The following CCDC27 variants were observed in gnomAD, a reference collection of about 807,000 sequenced individuals.
CCDC27 encodes coiled-coil domain-containing protein 27.
Under a neutral mutation model 80.3 loss-of-function variants are expected in CCDC27, and 80 were observed. The ratio of observed to expected loss-of-function variants is 1.00; its 90% CI spans 0.83 to 1.20. CCDC27 has a LOEUF of 1.20. Among genes scored for constraint, CCDC27 ranks in the 50% most tolerant of loss-of-function variants. The pLI is 0.00. For synonymous variants in CCDC27, 342 were observed against 334.3 expected (o/e 1.02, Z -0.25); for missense variants, 815 against 809.4 (o/e 1.01, Z -0.08).
rs948731512 is a variant in CCDC27, at chr1:3,768,721, A to G, written c.1744-1062A>G. 6.6e-6 allele frequency among the ~76,000 whole-genome samples: 1 copy of G among 152,160 alleles called. No homozygotes were observed. Among genetic ancestry groups the G allele is most frequent in the African/African-American group, 2.4e-5 (1 of 41,440 alleles). ...ATTGTGAAGCTAAGTCCGGGTGAGCAGGAACTAGCGCCAAGCCTGATGGTG... is the reference window on the plus strand; with the variant it reads ...ATTGTGAAGCTAAGTCCGGGTGAGCGGGAACTAGCGCCAAGCCTGATGGTG... On this transcript the variant is annotated intron_variant, in intron 10 of 11. Transcript: ENST00000294600. The surrounding 1 kb of genome is among the most constrained non-coding windows in gnomAD (Gnocchi z 5.6).
Position 3,766,431 on chromosome 1 carries a change from ATTAT to A in CCDC27, c.1453-101_1453-98del. 1.4e-6 allele frequency: 1 copy of A among 693,732 alleles called. No individual in the cohort carries two copies. Among genetic ancestry groups the A allele is most frequent in the Non-Finnish European group, 2.5e-6 (1 of 402,258 alleles). 43.0% of individuals were successfully genotyped at this position (693,732 alleles called of 1,614,324 possible). A position where few individuals can be genotyped will look rare whatever the true frequency, so the allele number is the denominator to read the frequency against. On this transcript the variant is annotated intron_variant, in intron 8 of 11. Coordinates refer to ENST00000294600, the MANE Select transcript of CCDC27 (RefSeq NM_152492.3). The surrounding 1 kb of genome is among the most constrained non-coding windows in gnomAD (Gnocchi z 6.1). ...TGCCTTCAATAGAAATCCCGCTGCT[ATTAT>A]TTTAGGGAGCTTTGGGGAAGGAAAA...
In CCDC27 at chr1:3,761,233, G is replaced by T. The variant is rs763109359; in HGVS notation, c.712-48G>T. ...GGGCTGGAGGCAGGTCAGGGGAAGA[G>T]TGTGTGGCTGCATGGCCCACGGGGG... On this transcript the variant is annotated intron_variant, in intron 4 of 11. Coordinates refer to ENST00000294600, the MANE Select transcript of CCDC27 (RefSeq NM_152492.3). This position sits in a 1 kb window ranked among gnomAD's most constrained non-coding sequence, Gnocchi z 5.0. 8 of 1,599,334 alleles carry T rather than the reference G, an allele frequency of 5.0e-6. No individual in the cohort carries two copies. In the Admixed American group the frequency reaches 5.1e-5, roughly 10 times the overall value.
Position 3,752,693 on chromosome 1 carries a change from A to G in CCDC27, c.212A>G (p.Gln71Arg). The G allele has an allele frequency of 6.2e-7, 1 of 1,614,032 alleles. No homozygotes were observed. The highest frequency in any genetic ancestry group is 8.5e-7 in the Non-Finnish European group (1 of 1,180,040). Residue 71 changes from glutamine (Q) to arginine (R), a missense_variant, in exon 1 of 12, where the codon CAG becomes CGG. Coordinates refer to ENST00000294600, the MANE Select transcript of CCDC27 (RefSeq NM_152492.3). ...SSMARALVLL[Q>R]SMASRDARCP... ...ATGGCCAGGGCCCTGGTGCTCCTCC[A>G]GAGCATGGCCAGCCGGGACGCCCGG...
At position 3,763,130 on chromosome 1, in the gene CCDC27, C is replaced by T. The variant is rs201089213; in HGVS notation, c.977C>T (p.Pro326Leu). 7.3e-5 allele frequency: 108 copies of T among 1,479,942 alleles called. No individual in the cohort carries two copies. Among genetic ancestry groups the T allele is most frequent in the East Asian group, 2.9e-4 (12 of 41,698 alleles). The allele number at this position is 1,479,942 out of a possible 1,614,324, so 91.7% of individuals were successfully genotyped here. The change falls in exon 7 of 12, where the codon CCG (proline) becomes CTG (leucine). Residue 326 changes from proline to leucine, a missense_variant. Transcript: ENST00000294600. The surrounding 1 kb of genome is among the most constrained non-coding windows in gnomAD (Gnocchi z 7.5). ...WWQMQEESAA[P>L]ERGKEPDLGG... ...CAGATGCAGGAGGAGTCTGCGGCAC[C>T]GGAGAGGGGCAAGGAGCCCGACCTG...
At chr1:3,755,766 C>T (rs1209648386) in intron 3 of CCDC27, 199 bp downstream of exon 3, 8 of 580,812 alleles carry the variant, frequency 1.4e-5, no homozygotes, top group Non-Finnish European at 2.5e-5. Flanking sequence ...GCTGCAGTCC[C>T]CCCAGGACCG....
intron 2 of CCDC27, 133 bp from the exon 3 acceptor site, chr1:3,755,324 A>C (rs1419449741): frequency 5.5e-6 from 4 of 733,200 alleles, no homozygotes; most frequent in East Asian, 5.0e-5. Flanking sequence ...GCCCTTGCTC[A>C]GTCCCATGCA....
At position 3,763,005 on chromosome 1, in the gene CCDC27, G is replaced by A; in HGVS notation, c.955-103G>A. ...CACTCCCTGGACCCTGCAGCAGCCT[G>A]GAAGGAGGCGCCCTCCCCGGTGCCC... On this transcript the variant is annotated intron_variant, in intron 6 of 11. Coordinates refer to ENST00000294600, the MANE Select transcript of CCDC27 (RefSeq NM_152492.3). This position sits in a 1 kb window ranked among gnomAD's most constrained non-coding sequence, Gnocchi z 7.5. 1 of 1,363,564 alleles carries A rather than the reference G, an allele frequency of 7.3e-7. No individual in the cohort carries two copies. The highest frequency in any genetic ancestry group is 9.7e-7 in the Non-Finnish European group (1 of 1,035,754). The allele number at this position is 1,363,564 out of a possible 1,614,324, so 84.5% of individuals were successfully genotyped here.
Position 3,766,712 on chromosome 1 carries a change from C to A in CCDC27, c.1530+100C>A. ...AGACGGGGCTGGAGCGTCTTCACAGCTGAGCCAGGACCCCTTCGGTAGCAT... is the reference window on the plus strand; with the variant it reads ...AGACGGGGCTGGAGCGTCTTCACAGATGAGCCAGGACCCCTTCGGTAGCAT... On this transcript the variant is annotated intron_variant, in intron 9 of 11. Transcript: ENST00000294600. This position sits in a 1 kb window ranked among gnomAD's most constrained non-coding sequence, Gnocchi z 6.1. 2.2e-6 allele frequency: 2 copies of A among 926,488 alleles called. No individual in the cohort carries two copies. Among genetic ancestry groups the A allele is most frequent in the South Asian group, 1.5e-5 (1 of 68,880 alleles). 57.4% of individuals were successfully genotyped at this position (926,488 alleles called of 1,614,324 possible).
intron 5 of CCDC27, 97 bp from the exon 6 acceptor site, chr1:3,762,523 A>G (rs979761227): frequency 7.4e-6 from 7 of 945,126 alleles, no homozygotes; most frequent in Non-Finnish European, 1.1e-5. Context: ...CTCCCCAGAC[A>G]TGAGAGGCCG....
intron 8 of CCDC27, among the ~76,000 whole-genome samples, chr1:3,765,421 T>A (rs76729062): frequency 0.012 from 1,876 of 152,330 alleles, 16 homozygotes; most frequent in Middle Eastern, 0.041. Flanking sequence ...ATTGTTTTTT[T>A]ATGGCCTTCT....
At chr1:3,765,599 T>C (rs1236066023) in intron 8 of CCDC27, among the ~76,000 whole-genome samples, 1 of 152,256 alleles carries the variant, frequency 6.6e-6, no homozygotes, top group Non-Finnish European at 1.5e-5. Flanking sequence ...GTTCCATTTT[T>C]CTTTTTTTGA....
rs368769485 is a variant in CCDC27, at chr1:3,769,738, C to T, written c.1744-45C>T. On this transcript the variant is annotated intron_variant, in intron 10 of 11. Transcript: ENST00000294600. This position sits in a 1 kb window ranked among gnomAD's most constrained non-coding sequence, Gnocchi z 4.6. ...GGGGTGCAGCCCACTGGCCAGGTGC[C>T]TTCTTGGGTAAAGGCGAATGATAGT... 719 of 1,449,970 alleles carry T rather than the reference C, an allele frequency of 5.0e-4. 11 individuals are homozygous for T. The South Asian group carries it at 7.3e-3, about 15-fold the overall frequency. The allele number at this position is 1,449,970 out of a possible 1,614,324, so 89.8% of individuals were successfully genotyped here. A position where few individuals can be genotyped will look rare whatever the true frequency, so the allele number is the denominator to read the frequency against.
chr1:3,756,416 G>A, intron 3 of CCDC27: 1 of 238,928 alleles, frequency 4.2e-6, no homozygotes, highest in Non-Finnish European at 8.3e-6. Flanking sequence ...TGCAGAGACA[G>A]CATCAGGATG....
At position 3,763,082 on chromosome 1, in the gene CCDC27, C is replaced by A; in HGVS notation, c.955-26C>A. ...CCTGGGGGTGCCCCGCAGCCCTGCC[C>A]AGCCCCTGCCCTACCCATCTTACAG... is the stretch of plus-strand genomic sequence containing the variant. On this transcript the variant is annotated intron_variant, in intron 6 of 11. Coordinates refer to ENST00000294600, the MANE Select transcript of CCDC27 (RefSeq NM_152492.3). The surrounding 1 kb of genome is among the most constrained non-coding windows in gnomAD (Gnocchi z 7.5). The A allele has an allele frequency of 1.4e-6, 2 of 1,460,252 alleles. No individual in the cohort carries two copies. Among genetic ancestry groups the A allele is most frequent in the Admixed American group, 2.8e-5 (1 of 36,108 alleles). The allele number at this position is 1,460,252 out of a possible 1,614,324, so 90.5% of individuals were successfully genotyped here.
At chr1:3,759,668 T>C (rs925322298) in intron 4 of CCDC27, among the ~76,000 whole-genome samples, 1 of 152,198 alleles carries the variant, frequency 6.6e-6, no homozygotes, top group African/African-American at 2.4e-5. Context: ...GTCATATGAC[T>C]GAATGGAGAC....
At chr1:3,755,785 T>C (rs1189822364) in intron 3 of CCDC27, 2 of 546,496 alleles carry the variant, frequency 3.7e-6, no homozygotes, top group East Asian at 3.0e-5. Context: ...CGTGGCCCCT[T>C]GTCTTTAGTA....
chr1:3,759,105 T>C (rs1438090244), intron 4 of CCDC27, among the ~76,000 whole-genome samples: 1 of 151,654 alleles, frequency 6.6e-6, no homozygotes, highest in Non-Finnish European at 1.5e-5. Flanking sequence ...TAATCCCAGC[T>C]ACTTGGGAGG....
chr1:3,756,439 C>T (rs79053221), intron 3 of CCDC27: 10,841 of 282,102 alleles, frequency 0.038, 456 homozygotes, highest in East Asian at 0.18. Flanking sequence ...CCCCTCGTCC[C>T]GACTCCCAGC....
chr1:3,771,123 G>A (rs1403900111), intron 11 of CCDC27, among the ~76,000 whole-genome samples: 1 of 152,156 alleles, frequency 6.6e-6, no homozygotes, highest in Admixed American at 6.5e-5. Context: ...CCCCGGCTCC[G>A]CATTCTGTGA....
Sources: gnomAD v4.1 joint callset for allele counts (sites outside exome capture counted in the v4.1 genomes callset) on GRCh38, gnomAD v4.1.1 for gene constraint, Gnocchi (gnomAD v3.1) non-coding constraint, MANE v1.5 for transcripts, NCBI Gene and HGNC (gene_info 2026-07-23, HGNC 2026-07-21) for gene names.